The following CPE variants were observed in gnomAD, a reference collection of about 807,000 sequenced individuals.
The protein encoded by CPE is carboxypeptidase E.
CPE carries 17 observed loss-of-function variants against 53.5 expected under a neutral mutation model. The ratio of observed to expected loss-of-function variants is 0.32; its 90% CI spans 0.22 to 0.48. The LOEUF (loss-of-function observed/expected upper bound fraction) is 0.48, where lower values mean the gene tolerates loss of function less well. CPE is among the 20% of genes least tolerant of loss of function. CPE has a pLI of 0.99. For missense variants in CPE, 524 were observed against 614.7 expected, an observed-to-expected ratio of 0.85 and a Z score of 1.56; for synonymous variants, 226 against 228.8, an observed-to-expected ratio of 0.99 and a Z score of 0.11.
chr4:165,459,201 A>G (rs117264281), intron 1 of CPE, among the ~76,000 whole-genome samples: 1 of 152,252 alleles, frequency 6.6e-6, no homozygotes, highest in Non-Finnish European at 1.5e-5. Flanking sequence ...ATTAAGAGTT[A>G]CAAGTCTGGA....
At chr4:165,392,429 A>AGAGTGG (rs1730698346) in intron 1 of CPE, among the ~76,000 whole-genome samples, 1 of 145,802 alleles carries the variant, frequency 6.9e-6, no homozygotes, top group Admixed American at 7.0e-5. Flanking sequence ...GGTATTAATG[A>AGAGTGG]GAGTGGGAGT....
chr4:165,439,832 T>C (rs994999813), intron 1 of CPE, among the ~76,000 whole-genome samples: 7 of 152,158 alleles, frequency 4.6e-5, no homozygotes, highest in Admixed American at 2.0e-4. Flanking sequence ...GTCAACATTC[T>C]GGATAAAATC....
In CPE at chr4:165,404,046, A is replaced by G. The variant is rs926868978; in HGVS notation, c.307+24518A>G. 1.1e-4 allele frequency: 95 copies of G among 889,876 alleles called. 2 individuals carry two copies. The highest frequency in any genetic ancestry group is 3.6e-5 in the Non-Finnish European group (19 of 531,924). 55.1% of individuals were successfully genotyped at this position (889,876 alleles called of 1,614,324 possible). ...GCAGCTGGGGTTAGTGCACTGACTG[A>G]GTGAGGCATGAGGCCTGCTCACTGA... On this transcript the variant is annotated intron_variant, in intron 1 of 8. Transcript: ENST00000402744.
In CPE at chr4:165,448,623, T is replaced by C. The variant is rs1028256206; in HGVS notation, c.308-15767T>C. Among the ~76,000 whole-genome samples the C allele has an allele frequency of 7.9e-5, 12 of 151,618 alleles. No homozygotes were observed. In the East Asian group the frequency reaches 2.3e-3, roughly 29 times the overall value. On this transcript the variant is annotated intron_variant, in intron 1 of 8. Transcript: ENST00000402744. Reference sequence around the variant, plus strand: ...TGGTTTTGGTCCTGGGGAGAACTAATAAAGAATAAAGCAAAAAAAAAACCC... The same window carrying C: ...TGGTTTTGGTCCTGGGGAGAACTAACAAAGAATAAAGCAAAAAAAAAACCC...
intron 1 of CPE, among the ~76,000 whole-genome samples, chr4:165,380,955 T>C (rs1730497710): frequency 6.6e-6 from 1 of 152,202 alleles, no homozygotes; most frequent in South Asian, 2.1e-4. Flanking sequence ...TGATAACTGA[T>C]TTTCAGCTAA....
In CPE at chr4:165,397,727, T is replaced by G. The variant is rs558793661; in HGVS notation, c.307+18199T>G. 3.9e-5 allele frequency among the ~76,000 whole-genome samples: 6 copies of G among 152,136 alleles called. No individual in the cohort carries two copies. The South Asian group carries it at 1.2e-3, about 32-fold the overall frequency. On this transcript the variant is annotated intron_variant, in intron 1 of 8. Coordinates refer to ENST00000402744, the MANE Select transcript of CPE (RefSeq NM_001873.4). The stretch of plus-strand genomic sequence containing the variant: ...TATAGGACAAATAATCATTTCCACT[T>G]AAAAATGGAGCTGTATTAAAAACAA...
chr4:165,407,359 ATG>A (rs1730969067), intron 1 of CPE, among the ~76,000 whole-genome samples: 1 of 150,356 alleles, frequency 6.7e-6, no homozygotes, highest in Non-Finnish European at 1.5e-5. Flanking sequence ...GCATCTTTTC[ATG>A]TGCTTATTGA....
At chr4:165,460,262 G>C (rs572837258) in intron 1 of CPE, among the ~76,000 whole-genome samples, 16 of 151,194 alleles carry the variant, frequency 1.1e-4, no homozygotes, top group Admixed American at 8.5e-4. Context: ...TTGACTCAGA[G>C]AGGGCCATTC....
chr4:165,485,376 T>C (rs1732490881), intron 5 of CPE, among the ~76,000 whole-genome samples: 1 of 152,196 alleles, frequency 6.6e-6, no homozygotes, highest in South Asian at 2.1e-4. Context: ...TAAGCAACAT[T>C]AGCTAATTGA....
At chr4:165,439,444 C>A (rs1021459739) in intron 1 of CPE, among the ~76,000 whole-genome samples, 1 of 152,042 alleles carries the variant, frequency 6.6e-6, no homozygotes, top group Non-Finnish European at 1.5e-5. Context: ...AACAGAAATT[C>A]ATTTCCTAGT....
chr4:165,402,187 C>CTAA (rs1365306852), intron 1 of CPE, among the ~76,000 whole-genome samples: 1 of 152,150 alleles, frequency 6.6e-6, no homozygotes, highest in Non-Finnish European at 1.5e-5. Context: ...GGAAAATGTG[C>CTAA]TAATAATAAT....
chr4:165,390,078 C>T (rs1730656365), intron 1 of CPE, among the ~76,000 whole-genome samples: 1 of 152,126 alleles, frequency 6.6e-6, no homozygotes. Flanking sequence ...GCAAGCACAC[C>T]TGCTTCTCCA....
In CPE at chr4:165,421,756, A is replaced by G. The variant is rs566327203; in HGVS notation, c.307+42228A>G. 3.3e-5 allele frequency among the ~76,000 whole-genome samples: 5 copies of G among 152,362 alleles called. No homozygotes were observed. The South Asian group carries it at 8.3e-4, about 25-fold the overall frequency. ...TATCATGATTTAGAACACAAATTAC[A>G]TAAACAGAAAGGCATATCTGGATAG... On this transcript the variant is annotated intron_variant, in intron 1 of 8. Transcript: ENST00000402744.
intron 1 of CPE, among the ~76,000 whole-genome samples, chr4:165,444,071 G>GTA (rs1198586365): frequency 6.6e-6 from 1 of 152,182 alleles, no homozygotes; most frequent in African/African-American, 2.4e-5. Context: ...CAGTTACGCA[G>GTA]TTTATGGTGT....
intron 1 of CPE, among the ~76,000 whole-genome samples, chr4:165,432,490 G>GT (rs976283943): frequency 6.6e-6 from 1 of 151,982 alleles, no homozygotes; most frequent in African/African-American, 2.4e-5. Context: ...TAGAGATGGC[G>GT]TTTCACTATT....
At chr4:165,435,319 T>C (rs545563965) in intron 1 of CPE, among the ~76,000 whole-genome samples, 1 of 152,156 alleles carries the variant, frequency 6.6e-6, no homozygotes. Context: ...TCTGAGAAAG[T>C]TGAAATGCTA....
chr4:165,435,765 T>G, intron 1 of CPE, among the ~76,000 whole-genome samples: 1 of 152,206 alleles, frequency 6.6e-6, no homozygotes, highest in East Asian at 1.9e-4. Context: ...CCATGCCATT[T>G]TATAGCAAAA....
At chr4:165,383,010 A>G (rs541657558) in intron 1 of CPE, among the ~76,000 whole-genome samples, 26 of 152,336 alleles carry the variant, frequency 1.7e-4, no homozygotes, top group African/African-American at 6.3e-4. Context: ...GCAAAAATCT[A>G]TTGAAAGAGA....
intron 6 of CPE, among the ~76,000 whole-genome samples, chr4:165,491,632 C>T (rs760199996): frequency 6.6e-6 from 1 of 152,054 alleles, no homozygotes; most frequent in Non-Finnish European, 1.5e-5. Flanking sequence ...AATATATTTA[C>T]TCTACTATAC....
Sources: gnomAD v4.1 joint callset for allele counts (sites outside exome capture counted in the v4.1 genomes callset) on GRCh38, gnomAD v4.1.1 for gene constraint, MANE v1.5 for transcripts, NCBI Gene and HGNC (gene_info 2026-07-23, HGNC 2026-07-21) for gene names.